Variants in CHN2 observed in about 807,000 individuals in gnomAD.
CHN2 encodes beta-chimaerin.
CHN2 carries 35 observed loss-of-function variants against 56.3 expected under a neutral mutation model. That is an observed-to-expected ratio of 0.62 (90% CI 0.47 to 0.82). The LOEUF (loss-of-function observed/expected upper bound fraction) is 0.82. Among genes scored for constraint, CHN2 ranks in the 40% least tolerant of loss-of-function variants. The pLI is 0.00. For missense variants in CHN2, 491 were observed against 580.5 expected (o/e 0.85, Z 1.58); for synonymous variants, 210 against 212.8 (o/e 0.99, Z 0.12).
Position 29,361,538 on chromosome 7 carries a change from G to A in CHN2, c.89-6394G>A, listed in dbSNP as rs138911467. Among the ~76,000 whole-genome samples the A allele has an allele frequency of 1.3e-3, 192 of 152,296 alleles. 1 individual carries two copies. Among genetic ancestry groups the A allele is most frequent in the Middle Eastern group, 6.8e-3 (2 of 294 alleles). The stretch of plus-strand genomic sequence containing the variant: ...AAATAATGATGTCTACTGCCGAGGG[G>A]CCAGGAGAGAGAGGTGGCAGTTCCT... On this transcript the variant is annotated intron_variant, in intron 2 of 12. Coordinates refer to ENST00000222792, the MANE Select transcript of CHN2 (RefSeq NM_004067.4).
chr7:29,371,080 C>T (rs535486937), intron 3 of CHN2, among the ~76,000 whole-genome samples: 45 of 152,272 alleles, frequency 3.0e-4, no homozygotes, highest in African/African-American at 1.0e-3. Flanking sequence ...CAATACAGTG[C>T]CTGCTGCATA....
intron 3 of CHN2, among the ~76,000 whole-genome samples, chr7:29,380,518 A>G (rs930454486): frequency 6.6e-6 from 1 of 152,214 alleles, no homozygotes; most frequent in Admixed American, 6.5e-5. Context: ...GATTAATTTT[A>G]TCCATCACTT....
At chr7:29,380,291 A>AG (rs920407924) in intron 3 of CHN2, among the ~76,000 whole-genome samples, 1 of 152,088 alleles carries the variant, frequency 6.6e-6, no homozygotes, top group Non-Finnish European at 1.5e-5. Flanking sequence ...CTTACCAAAA[A>AG]AAAAACCCTT....
At chr7:29,466,788 T>C (rs1051669069) in intron 6 of CHN2, among the ~76,000 whole-genome samples, 1 of 152,238 alleles carries the variant, frequency 6.6e-6, no homozygotes, top group African/African-American at 2.4e-5. Flanking sequence ...GCCTAATTTT[T>C]TCCCTAAGGG....
intron 7 of CHN2, among the ~76,000 whole-genome samples, chr7:29,481,513 C>G (rs1472602888): frequency 2.6e-5 from 4 of 152,118 alleles, no homozygotes; most frequent in Non-Finnish European, 4.4e-5. Context: ...TATAATTGAA[C>G]TGAGGAATGG....
At chr7:29,310,659 C>T (rs1794530234) in intron 1 of CHN2, among the ~76,000 whole-genome samples, 1 of 152,178 alleles carries the variant, frequency 6.6e-6, no homozygotes, top group Admixed American at 6.5e-5. Context: ...TTATAAACAA[C>T]AGAAATTTGT....
At chr7:29,240,792 T>C (rs1787595121) in intron 1 of CHN2, among the ~76,000 whole-genome samples, 1 of 139,324 alleles carries the variant, frequency 7.2e-6, no homozygotes, top group Non-Finnish European at 1.6e-5. Context: ...TTTCTTCTTC[T>C]TCTTCCTCTT....
intron 1 of CHN2, among the ~76,000 whole-genome samples, chr7:29,218,404 A>T (rs40375): frequency 6.6e-6 from 1 of 151,920 alleles, no homozygotes; most frequent in African/African-American, 2.4e-5. Context: ...GCGATTCCTC[A>T]GGGATCTAGA....
rs773469464 is a variant in CHN2, at chr7:29,509,316, A to T, written c.1145A>T (p.Asp382Val). The change falls in exon 12 of 13, where the codon GAT (aspartate) becomes GTT (valine). Residue 382 changes from aspartate (D) to valine (V), a missense_variant. Transcript: ENST00000222792. ...AACTTCACAGAAATCTCCAATGCAG[A>T]TGAGAGGCTGGAAGCCGTCCATGAA... ...FIDAAKISNA[D>V]ERLEAVHEVL... The T allele has an allele frequency of 6.2e-7, 1 of 1,613,914 alleles. No homozygotes were observed. Among genetic ancestry groups the T allele is most frequent in the Non-Finnish European group, 8.5e-7 (1 of 1,179,792 alleles).
intron 1 of CHN2, among the ~76,000 whole-genome samples, chr7:29,238,119 G>A (rs1787346378): frequency 6.7e-6 from 1 of 148,676 alleles, no homozygotes; most frequent in South Asian, 2.1e-4. Flanking sequence ...CCGGGTTCAA[G>A]CGATTTGCCT....
intron 6 of CHN2, among the ~76,000 whole-genome samples, chr7:29,407,595 G>A (rs192736625): frequency 1.7e-4 from 26 of 152,282 alleles, no homozygotes; most frequent in Admixed American, 1.4e-3. Flanking sequence ...CAGGATTCAA[G>A]GGTAAATGAA....
At chr7:29,190,792 C>A (rs1326765690), upstream of CHN2, among the ~76,000 whole-genome samples, 2 of 152,160 alleles carry the variant, frequency 1.3e-5, no homozygotes, top group African/African-American at 4.8e-5. Context: ...AACTGGCATA[C>A]AAGAGAACCA....
chr7:29,174,823 G>A (rs551596871), intron 2 of CHN2, among the ~76,000 whole-genome samples: 5 of 147,530 alleles, frequency 3.4e-5, no homozygotes, highest in South Asian at 4.2e-4. Context: ...TTGTGCCATC[G>A]CACTCCAGCC....
chr7:29,463,098 C>A (rs1340880624), intron 6 of CHN2, among the ~76,000 whole-genome samples: 1 of 152,008 alleles, frequency 6.6e-6, no homozygotes, highest in Non-Finnish European at 1.5e-5. Context: ...GAAATCTCAC[C>A]TTATTTCATT....
Position 29,282,793 on chromosome 7 carries a change from C to T in CHN2, c.50-71832C>T, listed in dbSNP as rs543918327. On this transcript the variant is annotated intron_variant, in intron 1 of 12. Transcript: ENST00000222792. ...AAAAGAACAAATGCCATGAAGATCA[C>T]GCGACAGAGAAAGACATAATCTTAT... Among the ~76,000 whole-genome samples, 98 of 151,954 alleles carry T rather than the reference C, an allele frequency of 6.4e-4. 1 individual carries two copies. Among genetic ancestry groups the T allele is most frequent in the African/African-American group, 2.1e-3 (87 of 41,398 alleles).
chr7:29,334,269 T>G (rs1049025431), intron 1 of CHN2, among the ~76,000 whole-genome samples: 2 of 152,052 alleles, frequency 1.3e-5, no homozygotes, highest in African/African-American at 4.8e-5. Flanking sequence ...CAGACTGGTC[T>G]CAAACTTCTG....
At chr7:29,148,327 C>T (rs1181809163) in intron 2 of CHN2, among the ~76,000 whole-genome samples, 2 of 152,166 alleles carry the variant, frequency 1.3e-5, no homozygotes, top group Non-Finnish European at 1.5e-5. Context: ...CAGGAGGAGC[C>T]ATGCTGTAAG....
chr7:29,426,531 G>A (rs1171150478), intron 6 of CHN2, among the ~76,000 whole-genome samples: 3 of 152,100 alleles, frequency 2.0e-5, no homozygotes. Context: ...CCCTAGCAAA[G>A]TCATTCTTGC....
intron 6 of CHN2, among the ~76,000 whole-genome samples, chr7:29,471,074 G>A (rs1298897777): frequency 6.6e-6 from 1 of 152,150 alleles, no homozygotes; most frequent in East Asian, 1.9e-4. Context: ...GTTTTAAGGA[G>A]TTTGATTTAA....
Sources: gnomAD v4.1 joint callset for allele counts (sites outside exome capture counted in the v4.1 genomes callset) on GRCh38, gnomAD v4.1.1 for gene constraint, MANE v1.5 for transcripts, NCBI Gene and HGNC (gene_info 2026-07-23, HGNC 2026-07-21) for gene names.